Variants in XKR9 observed in about 807,000 individuals in gnomAD.
The protein encoded by XKR9 is XK-related protein 9.
In XKR9, 32 loss-of-function variants were observed where a neutral mutation model predicts 32.0. That is an observed-to-expected ratio of 1.00 (90% confidence interval 0.76 to 1.34). XKR9 has a LOEUF of 1.34. XKR9 is among the 40% of genes most tolerant of loss of function. The probability of loss-of-function intolerance (pLI) is 0.00; values close to 1 mark genes in which losing one functional copy is unlikely to be tolerated. For missense variants in XKR9, 546 were observed against 429.7 expected (o/e 1.27, Z -2.39); for synonymous variants, 168 against 143.4 (o/e 1.17, Z -1.22).
chr8:70,792,323 T>C (rs1468389263), downstream of XKR9, among the ~76,000 whole-genome samples: 2 of 151,916 alleles, frequency 1.3e-5, no homozygotes, highest in East Asian at 1.9e-4. Context: ...GTGGGGAAAG[T>C]TTTAGAGCAG....
At chr8:70,780,088 T>A (rs1040155414) in intron 2 of XKR9, among the ~76,000 whole-genome samples, 8 of 151,996 alleles carry the variant, frequency 5.3e-5, no homozygotes, top group Admixed American at 2.0e-4. Flanking sequence ...CTTGTGGGCA[T>A]TTACTGTTAT....
intron 3 of XKR9, among the ~76,000 whole-genome samples, chr8:70,698,873 A>G (rs1422964222): frequency 6.6e-6 from 1 of 152,218 alleles, no homozygotes; most frequent in South Asian, 2.1e-4. Context: ...GTGCTCCTGT[A>G]TTGGGTGCAT....
chr8:70,727,460 G>C (rs562834076), intron 4 of XKR9, among the ~76,000 whole-genome samples: 1 of 152,006 alleles, frequency 6.6e-6, no homozygotes, highest in East Asian at 1.9e-4. Flanking sequence ...GAGTGCAGTG[G>C]CGCGATCTTG....
At chr8:70,808,729 G>C in the XKR9 span, among the ~76,000 whole-genome samples, 1 of 152,348 alleles carries the variant, frequency 6.6e-6, no homozygotes, top group African/African-American at 2.4e-5. Flanking sequence ...AAAACTGCAA[G>C]GTGGCAGCGA....
the XKR9 span, among the ~76,000 whole-genome samples, chr8:70,941,449 A>G: frequency 1.7e-4 from 26 of 152,222 alleles, no homozygotes; most frequent in African/African-American, 6.3e-4. Context: ...TACTTAAAAC[A>G]GTCATATACC....
the XKR9 span, among the ~76,000 whole-genome samples, chr8:70,847,057 A>C: frequency 3.3e-5 from 5 of 152,076 alleles, no homozygotes; most frequent in Non-Finnish European, 4.4e-5. Flanking sequence ...TCATCAACAC[A>C]TAAAACATTC....
the XKR9 span, among the ~76,000 whole-genome samples, chr8:70,957,798 T>C: frequency 2.1e-5 from 3 of 143,208 alleles, no homozygotes; most frequent in Non-Finnish European, 3.1e-5. Flanking sequence ...TTTTTTTTTT[T>C]TTTTTTTTTG....
At chr8:70,981,010 G>A in the XKR9 span, among the ~76,000 whole-genome samples, 11 of 152,184 alleles carry the variant, frequency 7.2e-5, no homozygotes, top group African/African-American at 2.7e-4. Flanking sequence ...GAAATCTGCT[G>A]TTAATCTGAT....
At chr8:70,948,660 A>T in the XKR9 span, among the ~76,000 whole-genome samples, 2 of 152,196 alleles carry the variant, frequency 1.3e-5, no homozygotes, top group African/African-American at 2.4e-5. Context: ...GGTCAATGAG[A>T]TCTTTATTCT....
chr8:70,726,298 G>T (rs1806468068), intron 4 of XKR9, among the ~76,000 whole-genome samples: 1 of 152,170 alleles, frequency 6.6e-6, no homozygotes, highest in Admixed American at 6.5e-5. Context: ...TACCTTAGTG[G>T]CAGATCATCC....
chr8:70,915,832 T>C, the XKR9 span, among the ~76,000 whole-genome samples: 1 of 152,170 alleles, frequency 6.6e-6, no homozygotes, highest in Non-Finnish European at 1.5e-5. Context: ...TGGAGGAGAC[T>C]TGCATCTGTA....
chr8:71,004,829 A>C, the XKR9 span, among the ~76,000 whole-genome samples: 1 of 152,020 alleles, frequency 6.6e-6, no homozygotes, highest in African/African-American at 2.4e-5. Flanking sequence ...TGGGATTACC[A>C]ATACCTTGAT....
At chr8:70,947,463 T>C in the XKR9 span, among the ~76,000 whole-genome samples, 1 of 152,228 alleles carries the variant, frequency 6.6e-6, no homozygotes, top group Non-Finnish European at 1.5e-5. Flanking sequence ...TAAGTACAAA[T>C]ATATCATTTC....
At chr8:70,708,617 T>C (rs1275786632) in intron 4 of XKR9, among the ~76,000 whole-genome samples, 2 of 152,112 alleles carry the variant, frequency 1.3e-5, no homozygotes, top group Non-Finnish European at 1.5e-5. Context: ...ATTTTTAAGG[T>C]TACAAAGAGA....
the XKR9 span, among the ~76,000 whole-genome samples, chr8:70,994,751 T>TG: frequency 1.4e-5 from 2 of 147,952 alleles, no homozygotes; most frequent in African/African-American, 5.2e-5. Context: ...TATTCTGTTT[T>TG]TTTTTTTTTT....
chr8:70,694,815 G>A (rs894634385), intron 3 of XKR9, among the ~76,000 whole-genome samples: 9 of 152,218 alleles, frequency 5.9e-5, no homozygotes, highest in African/African-American at 2.2e-4. Context: ...CTAGGGGTAT[G>A]TACAGGAGTC....
intron 2 of XKR9, among the ~76,000 whole-genome samples, chr8:70,760,951 A>T (rs1309206186): frequency 1.3e-5 from 2 of 152,184 alleles, no homozygotes. Flanking sequence ...CTTACATGTG[A>T]GAACATGCAG....
the XKR9 span, among the ~76,000 whole-genome samples, chr8:70,822,943 A>T: frequency 6.6e-6 from 1 of 152,220 alleles, no homozygotes; most frequent in Admixed American, 6.5e-5. Flanking sequence ...ATAAAACACC[A>T]AATACAGTGC....
chr8:70,792,151 C>T (rs1807772105), downstream of XKR9, among the ~76,000 whole-genome samples: 1 of 152,104 alleles, frequency 6.6e-6, no homozygotes, highest in South Asian at 2.1e-4. Flanking sequence ...ACTAATCATG[C>T]AGAGTACAAT....
Sources: allele counts gnomAD v4.1 joint callset (sites outside exome capture counted in the v4.1 genomes callset), GRCh38; gene constraint gnomAD v4.1.1; transcripts MANE v1.5; gene names NCBI Gene and HGNC (gene_info 2026-07-23, HGNC 2026-07-21).